Variants in PTPRO observed in about 807,000 individuals in gnomAD.
PTPRO encodes the protein protein tyrosine phosphatase receptor type O.
Under a neutral mutation model 145.2 loss-of-function variants are expected in PTPRO, and 62 were observed. That is an observed-to-expected ratio of 0.43 (90% CI 0.35 to 0.53). PTPRO has a LOEUF of 0.53. PTPRO is among the 20% of genes least tolerant of loss of function. The pLI is 0.01. For missense variants in PTPRO, 1,345 were observed against 1,482.7 expected, an observed-to-expected ratio of 0.91 and a Z score of 1.53; for synonymous variants, 565 against 514.7, an observed-to-expected ratio of 1.10 and a Z score of -1.32.
chr12:15,549,873 G>T (rs1192848548), intron 14 of PTPRO, among the ~76,000 whole-genome samples: 1 of 152,078 alleles, frequency 6.6e-6, no homozygotes, highest in East Asian at 1.9e-4. Flanking sequence ...CATATATTTA[G>T]CTGCTAAATT....
chr12:15,528,989 C>A (rs1424639287), intron 12 of PTPRO, among the ~76,000 whole-genome samples: 1 of 152,150 alleles, frequency 6.6e-6, no homozygotes, highest in Non-Finnish European at 1.5e-5. Flanking sequence ...CACTACCAGA[C>A]CTGTCATACA....
intron 1 of PTPRO, among the ~76,000 whole-genome samples, chr12:15,469,779 A>AAG (rs1313292645): frequency 6.6e-6 from 1 of 151,990 alleles, no homozygotes; most frequent in East Asian, 1.9e-4. Context: ...AAAAAAAAAA[A>AAG]AAAAAAAATA....
At chr12:15,457,322 G>A (rs1240665577) in intron 1 of PTPRO, among the ~76,000 whole-genome samples, 2 of 152,174 alleles carry the variant, frequency 1.3e-5, no homozygotes, top group Non-Finnish European at 2.9e-5. Flanking sequence ...GATCATGTGA[G>A]ACAATTCTCC....
intron 1 of PTPRO, among the ~76,000 whole-genome samples, chr12:15,434,108 T>A (rs1239740013): frequency 6.6e-6 from 1 of 152,192 alleles, no homozygotes; most frequent in African/African-American, 2.4e-5. Flanking sequence ...CCCTTGAAAA[T>A]GAGTAGTCCA....
At chr12:15,516,169 T>TC (rs931100250) in intron 8 of PTPRO, among the ~76,000 whole-genome samples, 3 of 150,660 alleles carry the variant, frequency 2.0e-5, no homozygotes, top group Admixed American at 6.6e-5. Flanking sequence ...TTTTTGTATT[T>TC]TTAGTAGAGA....
chr12:15,580,187 G>A (rs952017023), intron 21 of PTPRO, 72 bp downstream of exon 21: 22 of 1,170,176 alleles, frequency 1.9e-5, no homozygotes, highest in Non-Finnish European at 2.4e-5. Context: ...CTATATGGAT[G>A]TGTCAAACAG....
chr12:15,542,735 T>A (rs889330379), intron 12 of PTPRO, among the ~76,000 whole-genome samples: 3 of 152,204 alleles, frequency 2.0e-5, no homozygotes, highest in African/African-American at 7.2e-5. Context: ...CAACATATAA[T>A]CAATATAAAT....
intron 1 of PTPRO, among the ~76,000 whole-genome samples, chr12:15,329,420 T>C (rs958092214): frequency 4.6e-5 from 7 of 152,240 alleles, no homozygotes; most frequent in Admixed American, 2.6e-4. Context: ...AATATTGTAT[T>C]TTGATAAACT....
Position 15,598,157 on chromosome 12 carries a change from G to A in PTPRO, c.*2084G>A, listed in dbSNP as rs1308811417. Reference sequence around the variant, plus strand: ...GAAGTATCCAGAGTTTAGACTGAAGGCTTAGAGTCAAAACTACAGGAAGGT... The same window carrying A: ...GAAGTATCCAGAGTTTAGACTGAAGACTTAGAGTCAAAACTACAGGAAGGT... On this transcript the variant is annotated 3_prime_UTR_variant, in exon 27 of 27. Transcript: ENST00000281171. 6.6e-6 allele frequency among the ~76,000 whole-genome samples: 1 copy of A among 152,168 alleles called. No individual in the cohort carries two copies. Among genetic ancestry groups the A allele is most frequent in the African/African-American group, 2.4e-5 (1 of 41,438 alleles).
intron 1 of PTPRO, among the ~76,000 whole-genome samples, chr12:15,329,465 A>G (rs1333158334): frequency 6.6e-6 from 1 of 152,216 alleles, no homozygotes; most frequent in African/African-American, 2.4e-5. Flanking sequence ...GGCATTAATT[A>G]TAATTAACCA....
chr12:15,570,065 GACA>G (rs1003535355), intron 19 of PTPRO, among the ~76,000 whole-genome samples: 1 of 152,168 alleles, frequency 6.6e-6, no homozygotes, highest in Non-Finnish European at 1.5e-5. Context: ...GAAAAAAATT[GACA>G]ACATCTCTTT....
At chr12:15,515,013 C>T (rs989105602) in intron 7 of PTPRO, among the ~76,000 whole-genome samples, 5 of 151,882 alleles carry the variant, frequency 3.3e-5, no homozygotes, top group Non-Finnish European at 5.9e-5. Context: ...GATCTGCCTG[C>T]CTTGGCCTCC....
chr12:15,455,518 T>C (rs566098859), intron 1 of PTPRO, among the ~76,000 whole-genome samples: 1 of 152,294 alleles, frequency 6.6e-6, no homozygotes, highest in African/African-American at 2.4e-5. Flanking sequence ...GTTTGTGTCT[T>C]TTTCTTTCAT....
At chr12:15,456,999 A>C (rs747941456) in intron 1 of PTPRO, among the ~76,000 whole-genome samples, 1 of 151,276 alleles carries the variant, frequency 6.6e-6, no homozygotes, top group Non-Finnish European at 1.5e-5. Context: ...CCTTCTGCTA[A>C]TTTTGGGCTT....
At chr12:15,341,947 T>C (rs1202261415) in intron 1 of PTPRO, among the ~76,000 whole-genome samples, 1 of 152,220 alleles carries the variant, frequency 6.6e-6, no homozygotes, top group Non-Finnish European at 1.5e-5. Context: ...TGAGCTAATC[T>C]GTGAAAGCAC....
At chr12:15,515,983 T>TTG (rs1330473119) in intron 8 of PTPRO, among the ~76,000 whole-genome samples, 1 of 129,220 alleles carries the variant, frequency 7.7e-6, no homozygotes, top group African/African-American at 3.2e-5. Context: ...CTGGTTTTTT[T>TTG]TTTGTTTTGT....
At chr12:15,578,487 A>C (rs1228306508) in intron 19 of PTPRO, among the ~76,000 whole-genome samples, 2 of 152,164 alleles carry the variant, frequency 1.3e-5, no homozygotes, top group East Asian at 3.8e-4. Flanking sequence ...TTTCTCACTC[A>C]TGGGTCTGTG....
intron 1 of PTPRO, among the ~76,000 whole-genome samples, chr12:15,423,451 G>A (rs1490414802): frequency 2.0e-5 from 3 of 151,860 alleles, no homozygotes; most frequent in Non-Finnish European, 2.9e-5. Context: ...TCATAGAAGT[G>A]TAAATTGAGG....
At chr12:15,497,660 T>C (rs1349502345) in intron 3 of PTPRO, among the ~76,000 whole-genome samples, 1 of 152,246 alleles carries the variant, frequency 6.6e-6, no homozygotes, top group Non-Finnish European at 1.5e-5. Context: ...ATGTTACTCT[T>C]CCCTAAGGCA....
Sources: gnomAD v4.1 joint callset for allele counts (sites outside exome capture counted in the v4.1 genomes callset) on GRCh38, gnomAD v4.1.1 for gene constraint, MANE v1.5 for transcripts, NCBI Gene and HGNC (gene_info 2026-07-23, HGNC 2026-07-21) for gene names.